The following ABCA13 variants were observed in gnomAD, a reference collection of about 807,000 sequenced individuals.
ABCA13 encodes the protein ATP-binding cassette sub-family A member 13.
In ABCA13, 476 loss-of-function variants were observed where a neutral mutation model predicts 478.7. The ratio of observed to expected loss-of-function variants is 0.99; its 90% CI spans 0.92 to 1.07. The LOEUF is 1.07. Ranked by LOEUF, ABCA13 falls within the 50% of genes least tolerant of loss-of-function variation. The pLI, the probability that ABCA13 is intolerant of heterozygous loss-of-function variation, is 0.00. For missense variants in ABCA13, 6,060 were observed against 5,910.6 expected (o/e 1.03, Z -0.83); for synonymous variants, 2,252 against 2,158.9 (o/e 1.04, Z -1.20).
intron 48 of ABCA13, among the ~76,000 whole-genome samples, chr7:48,493,426 C>A (rs1830012465): frequency 6.6e-6 from 1 of 152,132 alleles, no homozygotes; most frequent in African/African-American, 2.4e-5. Flanking sequence ...GAGGAAATTT[C>A]TTTTAATAAG....
At chr7:48,386,196 C>T (rs1336161171) in intron 35 of ABCA13, among the ~76,000 whole-genome samples, 4 of 152,238 alleles carry the variant, frequency 2.6e-5, no homozygotes, top group South Asian at 2.1e-4. Context: ...TGAAAGATCT[C>T]TACAAGGAGA....
chr7:48,326,972 T>G (rs1804425758), intron 27 of ABCA13, among the ~76,000 whole-genome samples: 1 of 152,190 alleles, frequency 6.6e-6, no homozygotes, highest in African/African-American at 2.4e-5. Context: ...GCAGGACAGA[T>G]AGAGAGTTTT....
chr7:48,313,076 C>A lies in ABCA13; in HGVS notation c.9526C>A (p.Pro3176Thr). ...VRAFIYKTLMPSEANGLLNSL... is the reference protein window; with the variant it reads ...VRAFIYKTLMTSEANGLLNSL... ...TTGTTTTGTCCTTTAGACTCTGATG[C>A]CTTCTGAAGCAAATGGCTTGCTCAA... Residue 3176 changes from proline to threonine, a missense_variant, in exon 25 of 62, where the codon CCT becomes ACT. Pro to Thr is a conservative substitution (Grantham distance 38). Around this residue, in one of 3 missense-constraint regions of ABCA13, gnomAD observed 4,423 missense variants for 4,309.1 expected, o/e 1.03. Transcript: ENST00000435803. The A allele has an allele frequency of 3.8e-6, 6 of 1,579,360 alleles. No individual in the cohort carries two copies. The highest frequency in any genetic ancestry group is 5.2e-6 in the Non-Finnish European group (6 of 1,163,014).
chr7:48,271,781 T>G lies in ABCA13; in HGVS notation c.2121-6T>G, dbSNP rs1266620656. 1.4e-6 allele frequency: 2 copies of G among 1,436,208 alleles called. No homozygotes were observed. Among genetic ancestry groups the G allele is most frequent in the Non-Finnish European group, 1.8e-6 (2 of 1,088,068 alleles). 89.0% of individuals were successfully genotyped at this position (1,436,208 alleles called of 1,614,324 possible). A position where few individuals can be genotyped will look rare whatever the true frequency, so the allele number is the denominator to read the frequency against. ...TTATACTAAAATAATTCTATTAATATTACAGGGCTTTAAATTTCACAAAGC... is the reference window on the plus strand; with the variant it reads ...TTATACTAAAATAATTCTATTAATAGTACAGGGCTTTAAATTTCACAAAGC... On this transcript the variant is annotated splice_region_variant and splice_polypyrimidine_tract_variant and intron_variant, in intron 16 of 61. Transcript: ENST00000435803.
chr7:48,416,440 C>G (rs1819996968), intron 41 of ABCA13, among the ~76,000 whole-genome samples: 1 of 152,130 alleles, frequency 6.6e-6, no homozygotes, highest in Admixed American at 6.5e-5. Context: ...GCATTCTTGA[C>G]CATGCATGGT....
At position 48,631,828 on chromosome 7, in the gene ABCA13, G is replaced by A. The variant is rs80120065; in HGVS notation, c.14838-11460G>A. On this transcript the variant is annotated intron_variant, in intron 59 of 61. Coordinates refer to ENST00000435803, the MANE Select transcript of ABCA13 (RefSeq NM_152701.5). ...ATGGGATGTATTTCCATTTATTTGTGCCATATATGATTTCTTTCATTAGCA... is the reference window on the plus strand; with the variant it reads ...ATGGGATGTATTTCCATTTATTTGTACCATATATGATTTCTTTCATTAGCA... Among the ~76,000 whole-genome samples, 33 of 151,928 alleles carry A rather than the reference G, an allele frequency of 2.2e-4. No individual in the cohort carries two copies. The East Asian group carries it at 6.2e-3, about 28-fold the overall frequency.
chr7:48,579,475 T>C (rs1356757449), intron 55 of ABCA13, among the ~76,000 whole-genome samples: 2 of 152,194 alleles, frequency 1.3e-5, no homozygotes, highest in African/African-American at 4.8e-5. Flanking sequence ...CAATACCAAA[T>C]GTTGACAACA....
intron 50 of ABCA13, among the ~76,000 whole-genome samples, chr7:48,509,941 C>T (rs1024508634): frequency 7.2e-5 from 11 of 152,192 alleles, no homozygotes; most frequent in African/African-American, 2.7e-4. Context: ...AGCTGGCCCT[C>T]GCCAGTCACC....
At chr7:48,225,081 G>A (rs941939108) in intron 5 of ABCA13, among the ~76,000 whole-genome samples, 2 of 151,200 alleles carry the variant, frequency 1.3e-5, no homozygotes, top group African/African-American at 4.9e-5. Context: ...TAAATACTGG[G>A]ATTATAGGCG....
intron 56 of ABCA13, among the ~76,000 whole-genome samples, chr7:48,581,921 G>A (rs1342569138): frequency 6.6e-6 from 1 of 152,136 alleles, no homozygotes; most frequent in Non-Finnish European, 1.5e-5. Context: ...TATAGAACAG[G>A]CATATCCATT....
intron 58 of ABCA13, among the ~76,000 whole-genome samples, chr7:48,597,125 G>A (rs1266495056): frequency 2.0e-5 from 3 of 151,858 alleles, no homozygotes; most frequent in Non-Finnish European, 4.4e-5. Context: ...CTAATTTTTT[G>A]TATTTTAGTA....
rs1788607730 is a variant in ABCA13, at chr7:48,580,506, A to G, written c.14505+132A>G. 9.3e-6 allele frequency: 7 copies of G among 752,752 alleles called. No individual in the cohort carries two copies. The South Asian group carries it at 1.6e-4, about 17-fold the overall frequency. The allele number at this position is 752,752 out of a possible 1,614,324, so 46.6% of individuals were successfully genotyped here. On this transcript the variant is annotated intron_variant, in intron 56 of 61. Coordinates refer to ENST00000435803, the MANE Select transcript of ABCA13 (RefSeq NM_152701.5). ...AGTATCAGATAAACTTACCTGCAAG[A>G]GATTTTCTAATATGATTATACTGAA...
chr7:48,554,363 T>A (rs910280062), intron 55 of ABCA13, among the ~76,000 whole-genome samples: 21 of 152,014 alleles, frequency 1.4e-4, no homozygotes, highest in African/African-American at 4.6e-4. Context: ...TCTGTAAGAA[T>A]GCCATTGGTA....
At chr7:48,303,626 G>A (rs1188559344) in intron 23 of ABCA13, among the ~76,000 whole-genome samples, 10 of 151,910 alleles carry the variant, frequency 6.6e-5, no homozygotes, top group African/African-American at 1.9e-4. Context: ...CAGGTTTGTC[G>A]AAGATCAGAT....
chr7:48,534,644 A>C (rs1833449893), intron 55 of ABCA13, among the ~76,000 whole-genome samples: 2 of 152,312 alleles, frequency 1.3e-5, no homozygotes, highest in South Asian at 4.2e-4. Context: ...AAAACCAATT[A>C]GTCTTAGGTT....
chr7:48,516,762 A>G lies in ABCA13; in HGVS notation c.13678A>G (p.Ile4560Val), dbSNP rs762182349. 5 of 1,613,818 alleles carry G rather than the reference A, an allele frequency of 3.1e-6. No individual in the cohort carries two copies. The highest frequency in any genetic ancestry group is 8.5e-7 in the Non-Finnish European group (1 of 1,179,752). ...TCCATGGATGTACCTGATGTCCAGA[A>G]TCTTTTCCAGTTCGGACGTGGCTTT... The part of the protein sequence containing the change: ...TLPWMYLMSR[I>V]FSSSDVAFIS... The change falls in exon 52 of 62, where the codon ATC (isoleucine) becomes GTC (valine). Residue 4560 changes from isoleucine (I) to valine (V), a missense_variant. Transcript: ENST00000435803.
At chr7:48,576,503 C>G (rs1788203635) in intron 55 of ABCA13, among the ~76,000 whole-genome samples, 1 of 152,030 alleles carries the variant, frequency 6.6e-6, no homozygotes, top group Non-Finnish European at 1.5e-5. Context: ...TTAGAAAGAC[C>G]AGCCCAAAGG....
Position 48,506,414 on chromosome 7 carries a change from G to T in ABCA13, c.13346+24G>T, listed in dbSNP as rs569841173. 77 of 1,611,420 alleles carry T rather than the reference G, an allele frequency of 4.8e-5. 1 individual carries two copies. In the African/African-American group the frequency reaches 7.9e-4, roughly 17 times the overall value. ...ATGTGAGTTGATGGAATGCTGAGGG[G>T]TGTGTGACCCTGACTATGGAAGAAA... On this transcript the variant is annotated intron_variant, in intron 49 of 61. Coordinates refer to ENST00000435803, the MANE Select transcript of ABCA13 (RefSeq NM_152701.5).
chr7:48,407,739 G>A (rs1818449980), intron 39 of ABCA13, among the ~76,000 whole-genome samples: 1 of 151,788 alleles, frequency 6.6e-6, no homozygotes, highest in Non-Finnish European at 1.5e-5. Context: ...ATATTTTTTA[G>A]TAGAGATGGG....
Sources: allele counts gnomAD v4.1 joint callset (sites outside exome capture counted in the v4.1 genomes callset), GRCh38; gene constraint gnomAD v4.1.1; regional missense constraint gnomAD v4.1.1; transcripts MANE v1.5; gene names NCBI Gene and HGNC (gene_info 2026-07-23, HGNC 2026-07-21).